LINGO2: variants seen among roughly 807,000 people sequenced by gnomAD.
LINGO2 encodes the protein leucine-rich repeat and immunoglobulin-like domain-containing nogo receptor-interacting protein 2.
In LINGO2, 14 loss-of-function variants were observed where a neutral mutation model predicts 30.6. The observed-to-expected ratio is 0.46, with a 90% CI of 0.30 to 0.72. LINGO2 has a LOEUF of 0.72. Among genes scored for constraint, LINGO2 ranks in the 30% least tolerant of loss-of-function variants. The probability of loss-of-function intolerance (pLI) is 0.07; values close to 1 mark genes in which losing one functional copy is unlikely to be tolerated. For missense variants in LINGO2, 729 were observed against 751.7 expected, an observed-to-expected ratio of 0.97 and a Z score of 0.35; for synonymous variants, 317 against 288.5, an observed-to-expected ratio of 1.10 and a Z score of -1.00.
intron 1 of LINGO2, among the ~76,000 whole-genome samples, chr9:28,533,228 C>T (rs943143631): frequency 5.3e-5 from 8 of 152,132 alleles, no homozygotes. Context: ...ACTCCAAGAT[C>T]TTCAGCTTTT....
At chr9:29,202,399 G>C in the LINGO2 span, among the ~76,000 whole-genome samples, 1 of 151,868 alleles carries the variant, frequency 6.6e-6, no homozygotes, top group Non-Finnish European at 1.5e-5. Context: ...GGCTTTATTA[G>C]TAAGTACCAG....
At chr9:28,513,069 C>A (rs184993740) in intron 1 of LINGO2, among the ~76,000 whole-genome samples, 362 of 148,770 alleles carry the variant, frequency 2.4e-3, no homozygotes, top group African/African-American at 8.9e-3. Context: ...AGTTGATGCT[C>A]AGTATTAACC....
chr9:28,304,213 C>T (rs1466594981), intron 3 of LINGO2, among the ~76,000 whole-genome samples: 4 of 150,344 alleles, frequency 2.7e-5, no homozygotes, highest in Non-Finnish European at 5.9e-5. Context: ...GAAATTTGTT[C>T]TTTGAAAATT....
chr9:27,978,340 T>G (rs1820700992), intron 5 of LINGO2, among the ~76,000 whole-genome samples: 1 of 152,088 alleles, frequency 6.6e-6, no homozygotes, highest in Admixed American at 6.6e-5. Context: ...AAATGGGGTC[T>G]TGCTATAGAG....
At chr9:28,613,380 GTA>G (rs1587960586) in intron 1 of LINGO2, among the ~76,000 whole-genome samples, 2 of 148,402 alleles carry the variant, frequency 1.3e-5, no homozygotes, top group Admixed American at 6.6e-5. Context: ...GTGTATATAC[GTA>G]TGTGTGTGTG....
Position 28,361,123 on chromosome 9 carries a change from G to T in LINGO2, c.-246+11713C>A, listed in dbSNP as rs112896359. On this transcript the variant is annotated intron_variant, in intron 3 of 5. Coordinates refer to ENST00000379992, the Ensembl canonical transcript of LINGO2. ...TGGATCCACACTGTCTGTGCTACCT[G>T]CCTGTTAGTCATTTAGTAGCTGTTT... Among the ~76,000 whole-genome samples, 887 of 152,284 alleles carry T rather than the reference G, an allele frequency of 5.8e-3. 4 individuals carry two copies. The highest frequency in any genetic ancestry group is 0.01 in the Middle Eastern group (3 of 294).
chr9:27,975,024 G>A (rs1261353051), intron 5 of LINGO2, among the ~76,000 whole-genome samples: 2 of 152,094 alleles, frequency 1.3e-5, no homozygotes, highest in Non-Finnish European at 2.9e-5. Context: ...GGAGTTATTA[G>A]AAATCTAGAC....
chr9:28,141,275 A>T (rs1827664526), intron 4 of LINGO2, among the ~76,000 whole-genome samples: 1 of 152,060 alleles, frequency 6.6e-6, no homozygotes, highest in Non-Finnish European at 1.5e-5. Context: ...CAAATACTAC[A>T]CTCATGCTTT....
chr9:28,606,188 G>A (rs1466961652), intron 1 of LINGO2, among the ~76,000 whole-genome samples: 1 of 151,954 alleles, frequency 6.6e-6, no homozygotes, highest in Non-Finnish European at 1.5e-5. Flanking sequence ...AACATAAATA[G>A]GGACCATCTT....
the LINGO2 span, among the ~76,000 whole-genome samples, chr9:29,120,881 A>AT: frequency 6.6e-6 from 1 of 152,174 alleles, no homozygotes; most frequent in Non-Finnish European, 1.5e-5. Context: ...TATATAAGGT[A>AT]TCTAATGCTG....
intron 1 of LINGO2, chr9:28,598,881 A>G (rs1022317867): frequency 6.6e-6 from 1 of 152,168 alleles, no homozygotes. Context: ...AAGCCCTTAT[A>G]CTAAAAGGAT....
At chr9:27,962,585 A>T (rs546572759) in intron 5 of LINGO2, among the ~76,000 whole-genome samples, 1 of 152,190 alleles carries the variant, frequency 6.6e-6, no homozygotes, top group South Asian at 2.1e-4. Flanking sequence ...GCAAAAGTGG[A>T]TAATTTGGGG....
At chr9:28,564,677 T>A (rs1395173559) in intron 1 of LINGO2, among the ~76,000 whole-genome samples, 1 of 152,162 alleles carries the variant, frequency 6.6e-6, no homozygotes, top group East Asian at 1.9e-4. Context: ...TTTTCAAGAA[T>A]TTTCTTTTCT....
chr9:27,976,801 T>C (rs1820616027), intron 5 of LINGO2, among the ~76,000 whole-genome samples: 1 of 152,112 alleles, frequency 6.6e-6, no homozygotes, highest in South Asian at 2.1e-4. Context: ...TGTTACATCC[T>C]TCATATTTTC....
At chr9:28,954,681 G>A in the LINGO2 span, among the ~76,000 whole-genome samples, 1 of 152,050 alleles carries the variant, frequency 6.6e-6, no homozygotes, top group East Asian at 1.9e-4. Context: ...CCTAGCACAC[G>A]GCTCAAAAGG....
chr9:28,646,005 T>C (rs1432027563), intron 1 of LINGO2, among the ~76,000 whole-genome samples: 1 of 152,174 alleles, frequency 6.6e-6, no homozygotes, highest in East Asian at 1.9e-4. Flanking sequence ...AAATTCAAAA[T>C]GATTTTAATA....
intron 4 of LINGO2, among the ~76,000 whole-genome samples, chr9:28,090,033 T>G (rs776495001): frequency 2.0e-5 from 3 of 152,190 alleles, no homozygotes; most frequent in Non-Finnish European, 2.9e-5. Context: ...AATCTCTGAA[T>G]AGACCAATAA....
chr9:28,420,743 T>G (rs951580593), intron 2 of LINGO2, among the ~76,000 whole-genome samples: 13 of 152,078 alleles, frequency 8.5e-5, no homozygotes, highest in African/African-American at 2.7e-4. Flanking sequence ...TTACCATCAC[T>G]CCTTTCTTTC....
chr9:28,712,859 A>T, the LINGO2 span, among the ~76,000 whole-genome samples: 1 of 151,934 alleles, frequency 6.6e-6, no homozygotes, highest in East Asian at 1.9e-4. Flanking sequence ...AATTTTTTTT[A>T]AATTTTCATT....
Sources: gnomAD v4.1 joint callset for allele counts (sites outside exome capture counted in the v4.1 genomes callset) on GRCh38, gnomAD v4.1.1 for gene constraint, MANE v1.5 for transcripts, NCBI Gene and HGNC (gene_info 2026-07-23, HGNC 2026-07-21) for gene names.